ST6GALNAC3: variants seen among roughly 807,000 people sequenced by gnomAD.
ST6GALNAC3 encodes the protein alpha-N-acetylgalactosaminide alpha-2,6-sialyltransferase 3.
In ST6GALNAC3, 25 loss-of-function variants were observed where a neutral mutation model predicts 32.7. That is an observed-to-expected ratio of 0.76 (90% CI 0.56 to 1.07). ST6GALNAC3 has a LOEUF of 1.07. Among genes scored for constraint, ST6GALNAC3 ranks in the 50% least tolerant of loss-of-function variants. The pLI, the probability that ST6GALNAC3 is intolerant of heterozygous loss-of-function variation, is 0.00. For missense variants in ST6GALNAC3, 355 were observed against 382.4 expected (o/e 0.93, Z 0.60); for synonymous variants, 129 against 133.1 (o/e 0.97, Z 0.21).
chr1:76,594,439 G>T (rs2100598703), intron 3 of ST6GALNAC3, among the ~76,000 whole-genome samples: 1 of 152,264 alleles, frequency 6.6e-6, no homozygotes, highest in Middle Eastern at 3.4e-3. Context: ...ACCTTCTAAA[G>T]AACCAAAGGT....
At chr1:76,186,537 G>A (rs1309280593) in intron 1 of ST6GALNAC3, among the ~76,000 whole-genome samples, 4 of 152,094 alleles carry the variant, frequency 2.6e-5, no homozygotes, top group Non-Finnish European at 5.9e-5. Context: ...TCCAAGCTTG[G>A]AGAGCTAGGG....
intron 3 of ST6GALNAC3, among the ~76,000 whole-genome samples, chr1:76,424,391 C>T (rs1557875280): frequency 1.3e-5 from 2 of 151,572 alleles, no homozygotes; most frequent in African/African-American, 2.4e-5. Flanking sequence ...CATCATATTT[C>T]CTTAGCAGGT....
At chr1:76,207,087 C>G (rs188518586) in intron 1 of ST6GALNAC3, among the ~76,000 whole-genome samples, 1 of 152,102 alleles carries the variant, frequency 6.6e-6, no homozygotes, top group Non-Finnish European at 1.5e-5. Flanking sequence ...CTTCTGATTC[C>G]TCTTTCTATA....
downstream of ST6GALNAC3, among the ~76,000 whole-genome samples, chr1:76,636,601 A>C (rs1342549597): frequency 5.3e-5 from 8 of 152,228 alleles, no homozygotes; most frequent in African/African-American, 1.9e-4. Flanking sequence ...TAAAGAGAGG[A>C]CCTTATATGC....
intron 1 of ST6GALNAC3, among the ~76,000 whole-genome samples, chr1:76,203,351 T>C (rs1654638321): frequency 6.6e-6 from 1 of 152,204 alleles, no homozygotes; most frequent in South Asian, 2.1e-4. Flanking sequence ...TCTGGAAAGC[T>C]TATAAAACTA....
rs148936240 is a variant in ST6GALNAC3, at chr1:76,138,213, A to G, written c.18+63329A>G. 3.7e-3 allele frequency among the ~76,000 whole-genome samples: 568 copies of G among 152,318 alleles called. 4 individuals are homozygous for G. The highest frequency in any genetic ancestry group is 0.013 in the African/African-American group (543 of 41,558). On this transcript the variant is annotated intron_variant, in intron 1 of 4. Transcript: ENST00000328299. ...TTTCATTTTTTTGATAAACATGAGA[A>G]TAGGTAAAATCATTTTCAGAAGGGC...
chr1:76,429,795 TC>T (rs1163543685), intron 3 of ST6GALNAC3, among the ~76,000 whole-genome samples: 5 of 152,036 alleles, frequency 3.3e-5, no homozygotes, highest in African/African-American at 1.2e-4. Context: ...CAGAGACTGT[TC>T]AAGTAAATAC....
chr1:76,412,386 G>A lies in ST6GALNAC3; in HGVS notation c.592G>A (p.Gly198Arg). 1 of 1,605,788 alleles carries A rather than the reference G, an allele frequency of 6.2e-7. No individual in the cohort carries two copies. The highest frequency in any genetic ancestry group is 8.5e-7 in the Non-Finnish European group (1 of 1,174,944). Reference sequence around the variant, plus strand: ...AGAGAAGCGCATGAGTTACTGTGATGGAGTTTTTAAGAAGGAAACTGGGAA... The same window carrying A: ...AGAGAAGCGCATGAGTTACTGTGATAGAGTTTTTAAGAAGGAAACTGGGAA... ...TTEKRMSYCD[G>R]VFKKETGKDR... The change falls in exon 3 of 5, where the codon GGA becomes AGA. Residue 198 changes from glycine (G) to arginine (R), a missense_variant. Coordinates refer to ENST00000328299, the MANE Select transcript of ST6GALNAC3 (RefSeq NM_152996.4).
chr1:76,449,330 G>A (rs949079016), intron 3 of ST6GALNAC3, among the ~76,000 whole-genome samples: 3 of 152,178 alleles, frequency 2.0e-5, no homozygotes, highest in East Asian at 1.9e-4. Flanking sequence ...ACATACTGAA[G>A]GGCATCTTGT....
chr1:76,409,532 T>C (rs1320919584), intron 2 of ST6GALNAC3, among the ~76,000 whole-genome samples: 1 of 142,304 alleles, frequency 7.0e-6, no homozygotes, highest in Non-Finnish European at 1.6e-5. Flanking sequence ...AGCACTTTTT[T>C]ATAGTAGAAA....
intron 1 of ST6GALNAC3, among the ~76,000 whole-genome samples, chr1:76,177,254 T>C (rs1001405784): frequency 2.0e-5 from 3 of 152,152 alleles, no homozygotes; most frequent in Non-Finnish European, 2.9e-5. Context: ...TACTAAATAT[T>C]TGAGGGACAT....
At chr1:76,142,822 C>G (rs172333) in intron 1 of ST6GALNAC3, 72,723 of 450,228 alleles carry the variant, frequency 0.16, 6,589 homozygotes, top group Middle Eastern at 0.29. Context: ...TGAATGCCTG[C>G]CTTTTTTTTT....
chr1:76,178,291 A>G (rs1334527569), intron 1 of ST6GALNAC3, among the ~76,000 whole-genome samples: 3 of 152,232 alleles, frequency 2.0e-5, no homozygotes, highest in Non-Finnish European at 4.4e-5. Context: ...AGATGGATGA[A>G]ATAGGCTTCA....
intron 1 of ST6GALNAC3, among the ~76,000 whole-genome samples, chr1:76,148,959 A>G (rs113054049): frequency 7.3e-4 from 111 of 152,332 alleles, no homozygotes; most frequent in Non-Finnish European, 7.1e-4. Flanking sequence ...TCATTGTATA[A>G]CCATAGTTCA....
At chr1:76,384,399 G>A (rs993187018) in intron 2 of ST6GALNAC3, among the ~76,000 whole-genome samples, 10 of 152,102 alleles carry the variant, frequency 6.6e-5, no homozygotes, top group South Asian at 2.1e-4. Flanking sequence ...AAAAACTAAC[G>A]AAACTAAGAA....
At chr1:76,105,701 GT>G (rs1557617402) in intron 1 of ST6GALNAC3, among the ~76,000 whole-genome samples, 1 of 152,174 alleles carries the variant, frequency 6.6e-6, no homozygotes, top group Non-Finnish European at 1.5e-5. Flanking sequence ...GACAAGGCAA[GT>G]TTTATTGGCC....
At chr1:76,112,138 C>T (rs1452471511) in intron 1 of ST6GALNAC3, among the ~76,000 whole-genome samples, 4 of 140,038 alleles carry the variant, frequency 2.9e-5, no homozygotes, top group Admixed American at 1.4e-4. Context: ...ACCTCCCTCC[C>T]GGACAGGGCG....
rs779532827 is a variant in ST6GALNAC3 at position 76,628,743 on chromosome 1, G to C, written c.855G>C (p.Val285=). ...GGHRFITEKK[V]FAKWAKKHRI... ...ATAGGTTTATCACTGAAAAGAAAGT[G>C]TTTGCTAAATGGGCCAAGAAGCACA... is the stretch of plus-strand genomic sequence containing the variant. Residue 285 remains valine (V), a synonymous_variant, in exon 5 of 5, where the codon GTG becomes GTC. Coordinates refer to ENST00000328299, the MANE Select transcript of ST6GALNAC3 (RefSeq NM_152996.4). 2 of 1,612,264 alleles carry C rather than the reference G, an allele frequency of 1.2e-6. No homozygotes were observed. Among genetic ancestry groups the C allele is most frequent in the African/African-American group, 2.7e-5 (2 of 74,748 alleles).
At position 76,080,951 on chromosome 1, in the gene ST6GALNAC3, T is replaced by C. The variant is rs542662485; in HGVS notation, c.18+6067T>C. ...TGCTTTTGCTACGTATATCAGCACA[T>C]TGTGGGGAATGAGTGGCTTGGGTAA... On this transcript the variant is annotated intron_variant, in intron 1 of 4. Coordinates refer to ENST00000328299, the MANE Select transcript of ST6GALNAC3 (RefSeq NM_152996.4). Among the ~76,000 whole-genome samples, 42 of 152,274 alleles carry C rather than the reference T, an allele frequency of 2.8e-4. No homozygotes were observed. The South Asian group carries it at 8.3e-3, about 30-fold the overall frequency.
Sources: allele counts gnomAD v4.1 joint callset (sites outside exome capture counted in the v4.1 genomes callset), GRCh38; gene constraint gnomAD v4.1.1; transcripts MANE v1.5; gene names NCBI Gene and HGNC (gene_info 2026-07-23, HGNC 2026-07-21).